Variants in CNTNAP5 observed in about 807,000 individuals in gnomAD.
CNTNAP5 encodes the protein contactin-associated protein-like 5.
CNTNAP5 carries 72 observed loss-of-function variants against 150.2 expected under a neutral mutation model. The ratio of observed to expected loss-of-function variants is 0.48; its 90% CI spans 0.40 to 0.58. The LOEUF (loss-of-function observed/expected upper bound fraction) is 0.58, where lower values mean the gene tolerates loss of function less well. CNTNAP5 is among the 20% of genes least tolerant of loss of function. The pLI is 0.00. For missense variants in CNTNAP5, 1,636 were observed against 1,626.2 expected, an observed-to-expected ratio of 1.01 and a Z score of -0.10; for synonymous variants, 672 against 619.8, an observed-to-expected ratio of 1.08 and a Z score of -1.25.
intron 21 of CNTNAP5, among the ~76,000 whole-genome samples, chr2:124,887,153 T>C (rs1678098043): frequency 6.6e-6 from 1 of 152,004 alleles, no homozygotes; most frequent in Non-Finnish European, 1.5e-5. Flanking sequence ...ACTGAAGCTG[T>C]GTAAGCTCTT....
At chr2:124,874,123 C>T (rs577397462) in intron 21 of CNTNAP5, among the ~76,000 whole-genome samples, 2 of 152,148 alleles carry the variant, frequency 1.3e-5, no homozygotes, top group African/African-American at 4.8e-5. Context: ...TAAAACTTCA[C>T]TGTTGGTTCT....
intron 12 of CNTNAP5, among the ~76,000 whole-genome samples, chr2:124,626,265 A>G (rs142140979): frequency 1.7e-3 from 257 of 152,216 alleles, no homozygotes; most frequent in African/African-American, 6.0e-3. Flanking sequence ...TAAAAGTTAT[A>G]CCTGGTAAGA....
At chr2:124,864,612 T>G (rs1677592552) in intron 19 of CNTNAP5, among the ~76,000 whole-genome samples, 1 of 150,844 alleles carries the variant, frequency 6.6e-6, no homozygotes, top group African/African-American at 2.4e-5. Flanking sequence ...ATTGATACAC[T>G]TCTATTTTTA....
intron 2 of CNTNAP5, among the ~76,000 whole-genome samples, chr2:124,223,370 A>C (rs1362003252): frequency 1.3e-5 from 2 of 152,078 alleles, no homozygotes; most frequent in Non-Finnish European, 2.9e-5. Context: ...ACCTCTGCCA[A>C]CCTCAGTTTT....
intron 1 of CNTNAP5, among the ~76,000 whole-genome samples, chr2:124,201,026 C>T (rs764290405): frequency 6.6e-6 from 1 of 152,136 alleles, no homozygotes; most frequent in Non-Finnish European, 1.5e-5. Flanking sequence ...AGGCATCCTG[C>T]TACGTTTCAT....
At chr2:124,266,762 G>C (rs1232478997) in intron 3 of CNTNAP5, among the ~76,000 whole-genome samples, 1 of 152,118 alleles carries the variant, frequency 6.6e-6, no homozygotes, top group African/African-American at 2.4e-5. Flanking sequence ...AGTGCAGATG[G>C]AGTGAAGCCC....
intron 1 of CNTNAP5, among the ~76,000 whole-genome samples, chr2:124,128,802 A>G (rs775789404): frequency 6.6e-6 from 1 of 152,184 alleles, no homozygotes; most frequent in South Asian, 2.1e-4. Flanking sequence ...TGAGCAAACT[A>G]TCGCAAGGGC....
chr2:124,832,085 T>A (rs1033776861), intron 19 of CNTNAP5, among the ~76,000 whole-genome samples: 16 of 152,124 alleles, frequency 1.1e-4, no homozygotes, highest in African/African-American at 3.9e-4. Flanking sequence ...TTTGTAGTTT[T>A]ATGACATTCT....
chr2:124,608,178 T>A (rs1019133602), intron 11 of CNTNAP5, among the ~76,000 whole-genome samples: 2 of 152,172 alleles, frequency 1.3e-5, no homozygotes, highest in Non-Finnish European at 2.9e-5. Context: ...GAGTTGGTAC[T>A]ATATCTTGAA....
intron 1 of CNTNAP5, among the ~76,000 whole-genome samples, chr2:124,198,608 C>T (rs1391749982): frequency 1.3e-5 from 2 of 152,126 alleles, no homozygotes; most frequent in East Asian, 3.9e-4. Context: ...CTATTGTTCC[C>T]ATCTTTTTGT....
At chr2:124,413,901 A>T (rs541046868) in intron 3 of CNTNAP5, among the ~76,000 whole-genome samples, 1 of 124,400 alleles carries the variant, frequency 8.0e-6, no homozygotes, top group Admixed American at 7.9e-5. Context: ...AAATAAATAA[A>T]TTAAAAAAAA....
intron 19 of CNTNAP5, among the ~76,000 whole-genome samples, chr2:124,846,767 T>C (rs560577510): frequency 9.8e-5 from 15 of 152,290 alleles, no homozygotes; most frequent in Non-Finnish European, 5.9e-5. Context: ...GGGGTTCTCC[T>C]TTGATGGGGT....
intron 1 of CNTNAP5, among the ~76,000 whole-genome samples, chr2:124,034,511 C>T (rs995413494): frequency 3.9e-5 from 6 of 152,154 alleles, no homozygotes; most frequent in East Asian, 1.9e-4. Flanking sequence ...GAAATATCAC[C>T]GTTCTGGATC....
At chr2:124,671,719 A>C (rs1678827000) in intron 13 of CNTNAP5, among the ~76,000 whole-genome samples, 1 of 152,146 alleles carries the variant, frequency 6.6e-6, no homozygotes, top group African/African-American at 2.4e-5. Context: ...GGCTCACTGC[A>C]ACTTCTGCCT....
At chr2:124,719,318 C>T (rs1477657163) in intron 13 of CNTNAP5, among the ~76,000 whole-genome samples, 1 of 152,108 alleles carries the variant, frequency 6.6e-6, no homozygotes, top group African/African-American at 2.4e-5. Flanking sequence ...CTCATTGTCT[C>T]TTGTAGTATG....
At chr2:124,759,498 T>A (rs918189638) in intron 14 of CNTNAP5, among the ~76,000 whole-genome samples, 8 of 146,878 alleles carry the variant, frequency 5.4e-5, no homozygotes, top group African/African-American at 1.8e-4. Context: ...ACTCCCAAAA[T>A]CTTCATCTGT....
chr2:124,339,259 T>G (rs1558857740), intron 3 of CNTNAP5, among the ~76,000 whole-genome samples: 1 of 152,204 alleles, frequency 6.6e-6, no homozygotes, highest in Non-Finnish European at 1.5e-5. Flanking sequence ...TTTAACTTTA[T>G]TCAATAACGA....
intron 1 of CNTNAP5, among the ~76,000 whole-genome samples, chr2:124,108,925 T>C (rs546724045): frequency 1.1e-4 from 17 of 152,212 alleles, no homozygotes; most frequent in African/African-American, 3.9e-4. Context: ...CTCATCATAT[T>C]CCCACAATTC....
chr2:124,866,496 C>T (rs1677635443), intron 20 of CNTNAP5, among the ~76,000 whole-genome samples: 1 of 152,104 alleles, frequency 6.6e-6, no homozygotes. Context: ...GTGCTGATCC[C>T]ACCTGGGCAT....
Sources: gnomAD v4.1 joint callset for allele counts (sites outside exome capture counted in the v4.1 genomes callset) on GRCh38, gnomAD v4.1.1 for gene constraint, MANE v1.5 for transcripts, NCBI Gene and HGNC (gene_info 2026-07-23, HGNC 2026-07-21) for gene names.